Variants in EHBP1 observed in about 807,000 individuals in gnomAD.
EHBP1 encodes the protein EH domain binding protein 1, also known as EH domain-binding protein 1.
A neutral mutation model predicts 144.0 loss-of-function variants in EHBP1; 55 were observed. The observed-to-expected ratio is 0.38, with a 90% CI of 0.31 to 0.48. The LOEUF (loss-of-function observed/expected upper bound fraction) is 0.48. EHBP1 is among the 20% of genes least tolerant of loss of function. EHBP1 has a pLI of 0.98. For synonymous variants in EHBP1, 469 were observed against 472.7 expected, an observed-to-expected ratio of 0.99 and a Z score of 0.10; for missense variants, 1,200 against 1,364.2, an observed-to-expected ratio of 0.88 and a Z score of 1.90.
chr2:62,871,830 T>C (rs573211376), intron 9 of EHBP1, among the ~76,000 whole-genome samples: 1 of 152,316 alleles, frequency 6.6e-6, no homozygotes, highest in South Asian at 2.1e-4. Flanking sequence ...TCCTTTACAC[T>C]TAGCAACTGC....
At chr2:62,763,617 C>A (rs563330208) in intron 3 of EHBP1, among the ~76,000 whole-genome samples, 1 of 152,116 alleles carries the variant, frequency 6.6e-6, no homozygotes, top group East Asian at 1.9e-4. Context: ...TCCATTAGCT[C>A]AACTTTGACT....
In EHBP1 at chr2:62,681,147, T is replaced by C. The variant is rs573123476; in HGVS notation, c.-296+7064T>C. On this transcript the variant is annotated intron_variant, in intron 1 of 22. Coordinates refer to the EHBP1 transcript ENST00000405015. ...GGCCAACATGGTGAAACCCCGTCTC[T>C]ACTAAAAATACAAAGATTAGCCAGG... is the stretch of plus-strand genomic sequence containing the variant. Among the ~76,000 whole-genome samples, 4 of 151,128 alleles carry C rather than the reference T, an allele frequency of 2.6e-5. No individual in the cohort carries two copies. In the South Asian group the frequency reaches 8.4e-4, roughly 32 times the overall value.
intron 14 of EHBP1, among the ~76,000 whole-genome samples, chr2:62,963,333 G>A (rs17027536): frequency 0.022 from 3,278 of 152,262 alleles, 85 homozygotes; most frequent in African/African-American, 0.066. Flanking sequence ...CTGTCATGCC[G>A]ATAATTGTAG....
intron 5 of EHBP1, among the ~76,000 whole-genome samples, chr2:62,788,695 A>T (rs1055147770): frequency 6.6e-6 from 1 of 152,042 alleles, no homozygotes; most frequent in East Asian, 1.9e-4. Context: ...TTTTGTTTTT[A>T]TATTCTTCTT....
Position 62,985,419 on chromosome 2 carries a change from C to T in EHBP1, c.2609-5297C>T, listed in dbSNP as rs553080913. Reference sequence around the variant, plus strand: ...CTACTAATAAGTTATACCTACTTCACAACTGATGACAATAAGGTACTTCCG... The same window carrying T: ...CTACTAATAAGTTATACCTACTTCATAACTGATGACAATAAGGTACTTCCG... On this transcript the variant is annotated intron_variant, in intron 15 of 22. Coordinates refer to ENST00000431489, the MANE Select transcript of EHBP1 (RefSeq NM_001142616.3). Among the ~76,000 whole-genome samples the T allele has an allele frequency of 4.6e-5, 7 of 152,324 alleles. No homozygotes were observed. In the East Asian group the frequency reaches 1.4e-3, roughly 29 times the overall value.
intron 19 of EHBP1, among the ~76,000 whole-genome samples, chr2:63,024,951 G>A (rs2060911198): frequency 6.6e-6 from 1 of 151,830 alleles, no homozygotes; most frequent in African/African-American, 2.4e-5. Flanking sequence ...AGCTATGATT[G>A]CTCTCCCGAA....
chr2:62,776,488 G>A, intron 5 of EHBP1, among the ~76,000 whole-genome samples: 1 of 152,062 alleles, frequency 6.6e-6, no homozygotes, highest in Non-Finnish European at 1.5e-5. Context: ...AGAATATAAA[G>A]GAAAGAAAAC....
Position 62,850,925 on chromosome 2 carries a change from A to G in EHBP1, c.635-8244A>G, listed in dbSNP as rs78025100. ...GTTTTGACCCACATAGCAACTGCCA[A>G]TTGAAGTATTTGCATGGGAAGTTTC... is the stretch of plus-strand genomic sequence containing the variant. On this transcript the variant is annotated intron_variant, in intron 7 of 22. Transcript: ENST00000431489. Among the ~76,000 whole-genome samples, 82 of 152,322 alleles carry G rather than the reference A, an allele frequency of 5.4e-4. No individual in the cohort carries two copies. The South Asian group carries it at 8.5e-3, about 16-fold the overall frequency.
At position 62,679,239 on chromosome 2, in the gene EHBP1, A is replaced by G. The variant is rs554918609; in HGVS notation, c.-296+5156A>G. ...AAACTTTAACATCAATATCACACCT[A>G]TAGTCAGTTCAGGAATCCAGAAATC... On this transcript the variant is annotated intron_variant, in intron 1 of 22. Coordinates refer to the EHBP1 transcript ENST00000405015. Among the ~76,000 whole-genome samples, 9 of 152,370 alleles carry G rather than the reference A, an allele frequency of 5.9e-5. No individual in the cohort carries two copies. In the South Asian group the frequency reaches 1.0e-3, roughly 18 times the overall value.
intron 1 of EHBP1, chr2:62,674,208 G>A (rs2033203637): frequency 4.4e-6 from 2 of 456,586 alleles, no homozygotes; most frequent in African/African-American, 2.0e-5. Flanking sequence ...GTGTATGTGT[G>A]TGTGTGTAAA....
rs552140705 is a variant in EHBP1 at position 62,895,810 on chromosome 2, G to A, written c.1185+21278G>A. ...TAGAAGAGAGAAGACTACAGAATAG[G>A]GTCTGAGGGAGGAAAAAAGAAGAAT... On this transcript the variant is annotated intron_variant, in intron 10 of 22. Transcript: ENST00000431489. 7.2e-5 allele frequency among the ~76,000 whole-genome samples: 11 copies of A among 152,170 alleles called. No individual in the cohort carries two copies. The South Asian group carries it at 2.3e-3, about 32-fold the overall frequency.
At chr2:62,974,286 G>A (rs867070597) in intron 14 of EHBP1, among the ~76,000 whole-genome samples, 2 of 152,060 alleles carry the variant, frequency 1.3e-5, no homozygotes, top group Non-Finnish European at 2.9e-5. Context: ...TTGAACTCCT[G>A]GACCCAAGCA....
intron 1 of EHBP1, among the ~76,000 whole-genome samples, chr2:62,695,914 C>T (rs1375713086): frequency 5.3e-5 from 8 of 151,840 alleles, no homozygotes; most frequent in South Asian, 2.1e-4. Flanking sequence ...GGTTTTGACA[C>T]GTTGCTCAGG....
intron 10 of EHBP1, among the ~76,000 whole-genome samples, chr2:62,931,456 T>C (rs904542573): frequency 2.0e-5 from 3 of 152,172 alleles, no homozygotes; most frequent in Non-Finnish European, 4.4e-5. Context: ...AATGATACAG[T>C]GCTGTGGAAA....
At chr2:62,846,774 A>G (rs988705184) in intron 7 of EHBP1, among the ~76,000 whole-genome samples, 1 of 152,202 alleles carries the variant, frequency 6.6e-6, no homozygotes, top group African/African-American at 2.4e-5. Flanking sequence ...AATTTGACAT[A>G]AGATGTGAAA....
At chr2:62,910,321 T>C (rs1176307816) in intron 10 of EHBP1, among the ~76,000 whole-genome samples, 1 of 152,206 alleles carries the variant, frequency 6.6e-6, no homozygotes, top group Non-Finnish European at 1.5e-5. Context: ...CCCACTGAGT[T>C]TGACTTTAAA....
chr2:62,711,504 G>T (rs1199277385), intron 2 of EHBP1, among the ~76,000 whole-genome samples: 1 of 152,182 alleles, frequency 6.6e-6, no homozygotes, highest in African/African-American at 2.4e-5. Context: ...CATCCAGATG[G>T]AGATCTTAGT....
chr2:62,995,597 AT>A, intron 18 of EHBP1, among the ~76,000 whole-genome samples: 1 of 152,208 alleles, frequency 6.6e-6, no homozygotes, highest in South Asian at 2.1e-4. Context: ...GTTTGTTCAC[AT>A]TTATTTCTCT....
chr2:62,839,292 C>G (rs1444395428), intron 7 of EHBP1, among the ~76,000 whole-genome samples: 2 of 151,158 alleles, frequency 1.3e-5, no homozygotes, highest in Non-Finnish European at 2.9e-5. Context: ...AATTCAACAA[C>G]CCTTCATGCT....
Sources: gnomAD v4.1 joint callset for allele counts (sites outside exome capture counted in the v4.1 genomes callset) on GRCh38, gnomAD v4.1.1 for gene constraint, MANE v1.5 for transcripts, NCBI Gene and HGNC (gene_info 2026-07-23, HGNC 2026-07-21) for gene names.